Variants in LPP observed in about 807,000 individuals in gnomAD.
The protein encoded by LPP is lipoma-preferred partner.
In LPP, 38 loss-of-function variants were observed where a neutral mutation model predicts 60.4. The ratio of observed to expected loss-of-function variants is 0.63; its 90% confidence interval spans 0.49 to 0.83. The LOEUF (loss-of-function observed/expected upper bound fraction) is 0.83. Among genes scored for constraint, LPP ranks in the 40% least tolerant of loss-of-function variants. LPP has a pLI of 0.00. For synonymous variants in LPP, 328 were observed against 290.8 expected, an observed-to-expected ratio of 1.13 and a Z score of -1.30; for missense variants, 902 against 783.6, an observed-to-expected ratio of 1.15 and a Z score of -1.80.
At chr3:188,739,704 G>C (rs1210104375) in intron 8 of LPP, among the ~76,000 whole-genome samples, 1 of 152,012 alleles carries the variant, frequency 6.6e-6, no homozygotes, top group Non-Finnish European at 1.5e-5. Flanking sequence ...AGCTAACTCT[G>C]CATGGATATA....
intron 3 of LPP, among the ~76,000 whole-genome samples, chr3:188,400,845 C>G (rs1252218096): frequency 6.6e-6 from 1 of 152,046 alleles, no homozygotes; most frequent in African/African-American, 2.4e-5. Flanking sequence ...CCAGCAACAC[C>G]AGTTCTCACC....
intron 3 of LPP, among the ~76,000 whole-genome samples, chr3:188,345,754 G>A (rs1764176278): frequency 1.3e-5 from 2 of 152,118 alleles, no homozygotes; most frequent in Admixed American, 1.3e-4. Context: ...GTACATGGGG[G>A]CTTCCAGGTC....
Position 188,508,734 on chromosome 3 carries a change from C to T in LPP, c.307-15931C>T, listed in dbSNP as rs115438242. Among the ~76,000 whole-genome samples, 934 of 152,190 alleles carry T rather than the reference C, an allele frequency of 6.1e-3. 14 individuals are homozygous for T. The highest frequency in any genetic ancestry group is 0.022 in the African/African-American group (894 of 41,542). On this transcript the variant is annotated intron_variant, in intron 5 of 11. Coordinates refer to ENST00000617246, the MANE Select transcript of LPP (RefSeq NM_001375462.1). ...CTGCGGGTGAGAACACAGAAACTGT[C>T]GAATGAGAGAAAAGTATTTTCCTTG...
At chr3:188,591,098 G>A (rs1223320417) in intron 6 of LPP, among the ~76,000 whole-genome samples, 1 of 152,146 alleles carries the variant, frequency 6.6e-6, no homozygotes, top group Non-Finnish European at 1.5e-5. Context: ...AGAATTGGAG[G>A]CAAGATTATT....
chr3:188,760,178 G>A lies in LPP; in HGVS notation c.1306G>A (p.Val436Ile), dbSNP rs1296312030. Reference sequence around the variant, plus strand: ...TACAGGATGCACTGCCATGGATCAGGTCTTCCACGTGGATTGTTTTACCTG... The same window carrying A: ...TACAGGATGCACTGCCATGGATCAGATCTTCCACGTGGATTGTTTTACCTG... Reference protein sequence around the residue: ...EGTGCTAMDQVFHVDCFTCII... With the variant: ...EGTGCTAMDQIFHVDCFTCII... The change falls in exon 9 of 12, where the codon GTC (valine) becomes ATC (isoleucine). Residue 436 changes from valine (V) to isoleucine (I), a missense_variant. Physicochemically the swap from Val to Ile is conservative, Grantham distance 29. Transcript: ENST00000617246. The A allele has an allele frequency of 2.5e-5, 40 of 1,613,922 alleles. No homozygotes were observed. The highest frequency in any genetic ancestry group is 3.1e-5 in the Non-Finnish European group (36 of 1,179,980).
chr3:188,524,838 T>C (rs773176048), intron 6 of LPP, 51 bp downstream of exon 6: 1 of 1,563,652 alleles, frequency 6.4e-7, no homozygotes, highest in Non-Finnish European at 8.7e-7. Flanking sequence ...GATATTCTAC[T>C]CTTATCAGAA....
chr3:188,715,602 T>TAAAGGAAAG lies in LPP; in HGVS notation c.1240+7210_1240+7218dup, dbSNP rs560563022. ...GTTTTTTCAAACAGTTTTAGGCAGC[T>TAAAGGAAAG]AAAGGAAAGCAAAGTTGAGTTTTTC... On this transcript the variant is annotated intron_variant, in intron 8 of 11. Coordinates refer to ENST00000617246, the MANE Select transcript of LPP (RefSeq NM_001375462.1). 7.2e-3 allele frequency among the ~76,000 whole-genome samples: 1,095 copies of TAAAGGAAAG among 152,254 alleles called. 4 individuals carry two copies. The highest frequency in any genetic ancestry group is 0.011 in the Non-Finnish European group (718 of 68,006).
At chr3:188,535,187 G>GCATGGAACC (rs1165172225) in intron 6 of LPP, among the ~76,000 whole-genome samples, 6 of 152,134 alleles carry the variant, frequency 3.9e-5, no homozygotes, top group Non-Finnish European at 4.4e-5. Flanking sequence ...AAGTTATGGG[G>GCATGGAACC]TCATGTTGAG....
chr3:188,269,767 C>T (rs941771357), intron 2 of LPP, among the ~76,000 whole-genome samples: 4 of 151,866 alleles, frequency 2.6e-5, no homozygotes, highest in Non-Finnish European at 5.9e-5. Flanking sequence ...TTTCCTGCCT[C>T]AGGCTTCCCA....
intron 8 of LPP, chr3:188,743,844 C>T (rs1253651337): frequency 6.6e-6 from 1 of 152,104 alleles, no homozygotes; most frequent in East Asian, 1.9e-4. Flanking sequence ...TTCCCATCCT[C>T]ATTTACTCTA....
At chr3:188,691,729 G>C (rs544109396) in intron 7 of LPP, among the ~76,000 whole-genome samples, 1 of 152,312 alleles carries the variant, frequency 6.6e-6, no homozygotes, top group East Asian at 1.9e-4. Context: ...CTAGCAGCCA[G>C]GCTGCTCTAT....
At chr3:188,551,715 G>A (rs141101557) in intron 6 of LPP, among the ~76,000 whole-genome samples, 6 of 152,262 alleles carry the variant, frequency 3.9e-5, no homozygotes, top group African/African-American at 1.2e-4. Context: ...ATTGTGTGTT[G>A]CGGAAGATGG....
intron 7 of LPP, among the ~76,000 whole-genome samples, chr3:188,697,039 A>G (rs56400940): frequency 0.015 from 2,249 of 152,146 alleles, 45 homozygotes; most frequent in African/African-American, 0.05. Flanking sequence ...AGATACTTTG[A>G]TTTGATTTTC....
chr3:188,714,544 T>A (rs373275787), intron 8 of LPP, among the ~76,000 whole-genome samples: 40 of 152,252 alleles, frequency 2.6e-4, no homozygotes, highest in East Asian at 7.7e-4. Flanking sequence ...CAGGTTTTTT[T>A]ATAAAATATA....
intron 5 of LPP, among the ~76,000 whole-genome samples, chr3:188,515,502 G>A (rs924804618): frequency 6.6e-6 from 1 of 152,142 alleles, no homozygotes; most frequent in African/African-American, 2.4e-5. Flanking sequence ...ATGGCCTAAT[G>A]TAACGTTTTT....
intron 2 of LPP, among the ~76,000 whole-genome samples, chr3:188,324,333 A>G (rs926163184): frequency 3.3e-5 from 5 of 152,064 alleles, no homozygotes; most frequent in Non-Finnish European, 5.9e-5. Flanking sequence ...TATTATTACC[A>G]TAAGTCCAAC....
intron 7 of LPP, among the ~76,000 whole-genome samples, chr3:188,673,877 A>AT (rs773776727): frequency 9.0e-6 from 1 of 111,630 alleles, no homozygotes; most frequent in Non-Finnish European, 1.8e-5. Context: ...TGTCTCTGTA[A>AT]TTTTTTTCTT....
At chr3:188,666,978 C>T (rs929599602) in intron 7 of LPP, among the ~76,000 whole-genome samples, 1 of 152,116 alleles carries the variant, frequency 6.6e-6, no homozygotes, top group Non-Finnish European at 1.5e-5. Flanking sequence ...CTGTTTTCTG[C>T]ACACAGTAAA....
chr3:188,185,202 G>A (rs983934357), intron 1 of LPP, among the ~76,000 whole-genome samples: 2 of 151,460 alleles, frequency 1.3e-5, no homozygotes, highest in South Asian at 2.1e-4. Flanking sequence ...TTACAGCTCT[G>A]TGACCTCGAG....
Sources: gnomAD v4.1 joint callset for allele counts (sites outside exome capture counted in the v4.1 genomes callset) on GRCh38, gnomAD v4.1.1 for gene constraint, MANE v1.5 for transcripts, NCBI Gene and HGNC (gene_info 2026-07-23, HGNC 2026-07-21) for gene names.